RBM3: variants seen among roughly 807,000 people sequenced by gnomAD.
The protein encoded by RBM3 is RNA binding motif protein 3.
A neutral mutation model predicts 12.0 loss-of-function variants in RBM3; 3 were observed. The observed-to-expected ratio is 0.25, with a 90% CI of 0.11 to 0.65. The LOEUF (loss-of-function observed/expected upper bound fraction) is 0.65. Ranked by LOEUF, RBM3 falls within the 30% of genes least tolerant of loss-of-function variation. The pLI is 0.84. For missense variants in RBM3, 108 were observed against 134.5 expected (o/e 0.80, Z 0.97); for synonymous variants, 58 against 45.7 (o/e 1.27, Z -1.08).
chrX:48,576,721 A>G, intron 5 of RBM3, 117 bp downstream of exon 5: 2 of 1,054,981 alleles, frequency 1.9e-6, no homozygotes, highest in Non-Finnish European at 1.2e-6. Context: ...TAAAATGAGT[A>G]TGAAATTTAG....
Position 48,578,704 on chromosome X carries a change from CTCTTA to C in RBM3, c.*1269_*1273del, listed in dbSNP as rs1426713726. ...CTGGAATTGGGTTTCCTTAACTGGT[CTCTTA>C]TCTTAGTCCCATTGTTCTGAGAACA... On this transcript the variant is annotated 3_prime_UTR_variant, in exon 7 of 7. Coordinates refer to ENST00000376759, the MANE Select transcript of RBM3 (RefSeq NM_006743.5). The C allele has an allele frequency of 8.9e-6, 1 of 111,932 alleles. No homozygotes were observed. The highest frequency in any genetic ancestry group is 3.2e-5 in the African/African-American group (1 of 30,828). 9.2% of individuals were successfully genotyped at this position (111,932 alleles called of 1,213,427 possible). A position where few individuals can be genotyped will look rare whatever the true frequency, so the allele number is the denominator to read the frequency against.
Position 48,577,619 on chromosome X carries a change from T to G in RBM3, c.*178T>G. 2.4e-6 allele frequency: 1 copy of G among 418,467 alleles called. No homozygotes were observed. Among genetic ancestry groups the G allele is most frequent in the Non-Finnish European group, 3.3e-6 (1 of 304,161 alleles). 34.5% of individuals were successfully genotyped at this position (418,467 alleles called of 1,213,427 possible). ...AGGTAGCTGAAGACCTTTTAGACAGTTCCATCTTTTTTTTTAAATTTTTTC... is the reference window on the plus strand; with the variant it reads ...AGGTAGCTGAAGACCTTTTAGACAGGTCCATCTTTTTTTTTAAATTTTTTC... On this transcript the variant is annotated 3_prime_UTR_variant, in exon 7 of 7. Transcript: ENST00000376759.
At chrX:48,575,861 C>T (rs1365481611) in intron 3 of RBM3, 194 bp downstream of exon 3, 1 of 522,437 alleles carries the variant, frequency 1.9e-6, no homozygotes, top group Non-Finnish European at 3.1e-6. Flanking sequence ...TGGGAGGCGA[C>T]GACTGGTCCT....
chrX:48,575,811 C>G, intron 3 of RBM3, 144 bp downstream of exon 3: 1 of 634,287 alleles, frequency 1.6e-6, no homozygotes, highest in Non-Finnish European at 2.4e-6. Flanking sequence ...GCCTTTTGTT[C>G]TAGGGGGTGG....
intron 3 of RBM3, 197 bp downstream of exon 3, chrX:48,575,864 C>A: frequency 1.9e-6 from 1 of 524,465 alleles, no homozygotes; most frequent in Non-Finnish European, 3.1e-6. Context: ...GAGGCGACGA[C>A]TGGTCCTGCA....
Position 48,580,877 on chromosome X carries a change from G to A in RBM3, c.*3436G>A, listed in dbSNP as rs1332810248. ...AAAAACATTGGTTGACAATAAGCCA[G>A]TGTTCTGCCATTCTTACCTGCTTAT... On this transcript the variant is annotated 3_prime_UTR_variant, in exon 7 of 7. Transcript: ENST00000376759. 2 of 111,521 alleles carry A rather than the reference G, an allele frequency of 1.8e-5. No homozygotes were observed. The highest frequency in any genetic ancestry group is 6.5e-5 in the African/African-American group (2 of 30,614). 9.2% of individuals were successfully genotyped at this position (111,521 alleles called of 1,213,427 possible).
intron 4 of RBM3, 38 bp downstream of exon 4, chrX:48,576,457 G>A: frequency 8.3e-7 from 1 of 1,201,227 alleles, no homozygotes; most frequent in Non-Finnish European, 1.1e-6. Context: ...GGGTGAGAGG[G>A]AGAGTTGCCT....
rs1193509787 is a variant in RBM3 at position 48,580,632 on chromosome X, G to A, written c.*3191G>A. Reference sequence around the variant, plus strand: ...TGGTCCTGAACTCCTGACCTCAAGTGATCCACCCGCCTCGGCCTCCCAAAG... The same window carrying A: ...TGGTCCTGAACTCCTGACCTCAAGTAATCCACCCGCCTCGGCCTCCCAAAG... On this transcript the variant is annotated 3_prime_UTR_variant, in exon 7 of 7. Coordinates refer to ENST00000376759, the MANE Select transcript of RBM3 (RefSeq NM_006743.5). 9.0e-6 allele frequency: 1 copy of A among 111,600 alleles called. No individual in the cohort carries two copies. Among genetic ancestry groups the A allele is most frequent in the East Asian group, 2.8e-4 (1 of 3,559 alleles). The allele number at this position is 111,600 out of a possible 1,213,427, so 9.2% of individuals were successfully genotyped here. A position where few individuals can be genotyped will look rare whatever the true frequency, so the allele number is the denominator to read the frequency against.
Position 48,580,062 on chromosome X carries a change from AC to A in RBM3, c.*2622del, listed in dbSNP as rs782792642. On this transcript the variant is annotated 3_prime_UTR_variant, in exon 7 of 7. Transcript: ENST00000376759. ...CCCACTGAGGCTAGAAACCCCCCAA[AC>A]ACTCAAGGTACCTTGAGAACATGTA... 1 of 111,307 alleles carries A rather than the reference AC, an allele frequency of 9.0e-6. No homozygotes were observed. The highest frequency in any genetic ancestry group is 1.9e-5 in the Non-Finnish European group (1 of 53,081). 9.2% of individuals were successfully genotyped at this position (111,307 alleles called of 1,213,427 possible).
Position 48,581,126 on chromosome X carries a change from CATT to C in RBM3, c.*3689_*3691del, listed in dbSNP as rs1186130922. 5 of 109,829 alleles carry C rather than the reference CATT, an allele frequency of 4.6e-5. No individual in the cohort carries two copies. The highest frequency in any genetic ancestry group is 9.8e-5 in the Admixed American group (1 of 10,189). The allele number at this position is 109,829 out of a possible 1,213,427, so 9.1% of individuals were successfully genotyped here. A position where few individuals can be genotyped will look rare whatever the true frequency, so the allele number is the denominator to read the frequency against. ...CTAAATTGTTAAAAGCAGTTCATGC[CATT>C]ATTCTTAATAAACATTTCTAATATG... On this transcript the variant is annotated 3_prime_UTR_variant, in exon 7 of 7. Coordinates refer to ENST00000376759, the MANE Select transcript of RBM3 (RefSeq NM_006743.5).
At chrX:48,574,732 C>T (rs199744228) in intron 1 of RBM3, 159 bp downstream of exon 1, 187 of 330,221 alleles carry the variant, frequency 5.7e-4, no homozygotes, top group Non-Finnish European at 9.0e-4. Flanking sequence ...TGAAACATTT[C>T]GGTTGGTGGG....
rs1325362919 is a variant in RBM3, at chrX:48,579,877, A to G, written c.*2436A>G. On this transcript the variant is annotated 3_prime_UTR_variant, in exon 7 of 7. Coordinates refer to ENST00000376759, the MANE Select transcript of RBM3 (RefSeq NM_006743.5). ...AGGGAGTCCCAGTCTCTGGCTGTCT[A>G]TCTGCTCTAAGGAAGAGAGCCCACA... The G allele has an allele frequency of 3.6e-5, 4 of 111,536 alleles. No individual in the cohort carries two copies. Among genetic ancestry groups the G allele is most frequent in the South Asian group, 7.4e-4 (2 of 2,698 alleles). The allele number at this position is 111,536 out of a possible 1,213,427, so 9.2% of individuals were successfully genotyped here.
intron 1 of RBM3, chrX:48,574,841 T>G: frequency 2.8e-6 from 1 of 357,962 alleles, no homozygotes; most frequent in South Asian, 2.6e-5. Flanking sequence ...ACTTTCCTTA[T>G]CCCACGTGGC....
chrX:48,579,797 T>A lies in RBM3; in HGVS notation c.*2356T>A, dbSNP rs182881536. On this transcript the variant is annotated 3_prime_UTR_variant, in exon 7 of 7. Coordinates refer to ENST00000376759, the MANE Select transcript of RBM3 (RefSeq NM_006743.5). ...GACCAAAATTTATTTGTATAACAAC[T>A]CTAAACCTGCTCTGCTCTGCTGTGT... 2 of 111,726 alleles carry A rather than the reference T, an allele frequency of 1.8e-5. No individual in the cohort carries two copies. Among genetic ancestry groups the A allele is most frequent in the African/African-American group, 3.3e-5 (1 of 30,733 alleles). 9.2% of individuals were successfully genotyped at this position (111,726 alleles called of 1,213,427 possible). A position where few individuals can be genotyped will look rare whatever the true frequency, so the allele number is the denominator to read the frequency against.
At chrX:48,576,647 C>T (rs1556989353) in intron 5 of RBM3, 43 bp downstream of exon 5, 1 of 1,157,135 alleles carries the variant, frequency 8.6e-7, no homozygotes, top group South Asian at 2.0e-5. Flanking sequence ...TTGCTTCCCT[C>T]TCCTTAAGAA....
rs2062096310 is a variant in RBM3, at chrX:48,580,124, AACT to A, written c.*2687_*2689del. The A allele has an allele frequency of 9.0e-6, 1 of 111,691 alleles. No individual in the cohort carries two copies. Among genetic ancestry groups the A allele is most frequent in the African/African-American group, 3.3e-5 (1 of 30,745 alleles). The allele number at this position is 111,691 out of a possible 1,213,427, so 9.2% of individuals were successfully genotyped here. A position where few individuals can be genotyped will look rare whatever the true frequency, so the allele number is the denominator to read the frequency against. ...TGCAAAGACCAAACACATGGCCTGTAACTACTTTTCACTTTCAAGCCCTGGAAC... is the reference window on the plus strand; with the variant it reads ...TGCAAAGACCAAACACATGGCCTGTAACTTTTCACTTTCAAGCCCTGGAAC... On this transcript the variant is annotated 3_prime_UTR_variant, in exon 7 of 7. Coordinates refer to ENST00000376759, the MANE Select transcript of RBM3 (RefSeq NM_006743.5).
intron 5 of RBM3, 71 bp downstream of exon 5, chrX:48,576,675 C>G (rs2062081782): frequency 1.8e-6 from 2 of 1,129,022 alleles, no homozygotes; most frequent in Non-Finnish European, 2.3e-6. Flanking sequence ...CCTGGGTGTT[C>G]ATGCATACCA....
At chrX:48,574,782 G>A (rs781882436) in intron 1 of RBM3, 9 of 334,196 alleles carry the variant, frequency 2.7e-5, no homozygotes, top group South Asian at 2.3e-4. Flanking sequence ...CCTACCGGGA[G>A]GGACTGGTGG....
intron 5 of RBM3, 125 bp downstream of exon 5, chrX:48,576,729 T>C (rs1478305299): frequency 1.9e-6 from 2 of 1,037,833 alleles, no homozygotes; most frequent in Non-Finnish European, 2.5e-6. Context: ...GTATGAAATT[T>C]AGCATTTTAA....
Sources: gnomAD v4.1 joint callset for allele counts on GRCh38, gnomAD v4.1.1 for gene constraint, MANE v1.5 for transcripts, NCBI Gene and HGNC (gene_info 2026-07-23, HGNC 2026-07-21) for gene names.